The following WARS2 variants were observed in gnomAD, a reference collection of about 807,000 sequenced individuals.
WARS2 encodes tryptophan--tRNA ligase, mitochondrial.
WARS2 carries 28 observed loss-of-function variants against 36.5 expected under a neutral mutation model. That is an observed-to-expected ratio of 0.77 (90% CI 0.57 to 1.05). WARS2 has a LOEUF of 1.05. Ranked by LOEUF, WARS2 falls within the 50% of genes least tolerant of loss-of-function variation. The pLI, the probability that WARS2 is intolerant of heterozygous loss-of-function variation, is 0.00. For synonymous variants in WARS2, 174 were observed against 178.4 expected, an observed-to-expected ratio of 0.98 and a Z score of 0.20; for missense variants, 435 against 456.8, an observed-to-expected ratio of 0.95 and a Z score of 0.44.
intron 2 of WARS2, among the ~76,000 whole-genome samples, chr1:119,052,417 C>G (rs917386797): frequency 6.6e-6 from 1 of 152,176 alleles, no homozygotes; most frequent in Non-Finnish European, 1.5e-5. Context: ...TTACTATCCC[C>G]ATGACAAATC....
intron 2 of WARS2, among the ~76,000 whole-genome samples, chr1:119,072,981 C>A (rs1651441719): frequency 6.6e-6 from 1 of 151,660 alleles, no homozygotes; most frequent in Non-Finnish European, 1.5e-5. Context: ...GTTGTGAGAC[C>A]CCATCTCTCC....
At chr1:119,066,811 T>C (rs1650920591) in intron 2 of WARS2, among the ~76,000 whole-genome samples, 1 of 152,186 alleles carries the variant, frequency 6.6e-6, no homozygotes, top group East Asian at 1.9e-4. Flanking sequence ...AATACCATTT[T>C]GGAGAACAAA....
At chr1:119,139,335 C>T (rs1656764468) in intron 1 of WARS2, among the ~76,000 whole-genome samples, 1 of 152,026 alleles carries the variant, frequency 6.6e-6, no homozygotes, top group Non-Finnish European at 1.5e-5. Context: ...TAATAAAAAA[C>T]GGAAGTTCAA....
At chr1:119,041,664 G>C (rs1648380111) in intron 4 of WARS2, among the ~76,000 whole-genome samples, 2 of 152,334 alleles carry the variant, frequency 1.3e-5, no homozygotes, top group South Asian at 4.1e-4. Context: ...ACAGGATCTA[G>C]CACAGACATA....
intron 1 of WARS2, among the ~76,000 whole-genome samples, chr1:119,138,228 T>A (rs77261529): frequency 0.034 from 5,160 of 152,288 alleles, 133 homozygotes; most frequent in South Asian, 0.085. Context: ...TATTTCTGCA[T>A]CTGTTCACAA....
intron 1 of WARS2, among the ~76,000 whole-genome samples, chr1:119,080,134 G>C (rs1407517197): frequency 6.6e-6 from 1 of 152,010 alleles, no homozygotes; most frequent in African/African-American, 2.4e-5. Flanking sequence ...TTGATGAAGA[G>C]AGAAAGCAAA....
At position 119,031,667 on chromosome 1, in the gene WARS2, G is replaced by T. The variant is rs921216520; in HGVS notation, c.*1244C>A. Reference sequence around the variant, plus strand: ...TTAGGATTATCATTTTCATTTTCAGGTGTCAGAAATGGAAGTGCAGAAAAG... The same window carrying T: ...TTAGGATTATCATTTTCATTTTCAGTTGTCAGAAATGGAAGTGCAGAAAAG... On this transcript the variant is annotated 3_prime_UTR_variant, in exon 6 of 6. Transcript: ENST00000235521. The T allele has an allele frequency of 2.0e-5, 3 of 152,176 alleles. No homozygotes were observed. The highest frequency in any genetic ancestry group is 7.2e-5 in the African/African-American group (3 of 41,428). 9.4% of individuals were successfully genotyped at this position (152,176 alleles called of 1,614,324 possible).
At chr1:119,134,162 G>C (rs1028482914) in intron 1 of WARS2, among the ~76,000 whole-genome samples, 1 of 151,790 alleles carries the variant, frequency 6.6e-6, no homozygotes, top group African/African-American at 2.4e-5. Context: ...GTCACAATCA[G>C]AACATGAAGA....
chr1:119,076,209 G>C (rs1651714091), intron 2 of WARS2, 141 bp downstream of exon 2: 1 of 1,013,290 alleles, frequency 9.9e-7, no homozygotes, highest in East Asian at 2.6e-5. Flanking sequence ...AAAACATTAA[G>C]CTGAAAAAAA....
intron 1 of WARS2, among the ~76,000 whole-genome samples, chr1:119,137,986 C>T (rs1198094142): frequency 6.6e-6 from 1 of 152,180 alleles, no homozygotes; most frequent in Non-Finnish European, 1.5e-5. Flanking sequence ...TAACATAGCA[C>T]TGTTATGGCT....
intron 2 of WARS2, among the ~76,000 whole-genome samples, chr1:119,061,298 T>TA (rs1169381506): frequency 1.3e-5 from 2 of 152,100 alleles, no homozygotes; most frequent in Non-Finnish European, 2.9e-5. Context: ...CAACTATGCT[T>TA]AAAGATACAA....
rs74406341 is a variant in WARS2, at chr1:119,140,336, C to A, written c.90+219G>T. 1.5e-3 allele frequency: 599 copies of A among 397,604 alleles called. 4 individuals carry two copies. Among genetic ancestry groups the A allele is most frequent in the African/African-American group, 0.01 (509 of 48,614 alleles). The allele number at this position is 397,604 out of a possible 1,614,324, so 24.6% of individuals were successfully genotyped here. A position where few individuals can be genotyped will look rare whatever the true frequency, so the allele number is the denominator to read the frequency against. On this transcript the variant is annotated intron_variant, in intron 1 of 5. Coordinates refer to ENST00000235521, the MANE Select transcript of WARS2 (RefSeq NM_015836.4). Reference sequence around the variant, plus strand: ...GAGGTGGCGGCAAGAGGTCAGAAAGCGGCGCGCTTTTTCCACCAAGAAACC... The same window carrying A: ...GAGGTGGCGGCAAGAGGTCAGAAAGAGGCGCGCTTTTTCCACCAAGAAACC...
At chr1:119,115,245 A>T (rs1654885371) in intron 1 of WARS2, among the ~76,000 whole-genome samples, 1 of 152,248 alleles carries the variant, frequency 6.6e-6, no homozygotes, top group African/African-American at 2.4e-5. Context: ...ATAAAGGGCG[A>T]TGGAGCTTCC....
intron 2 of WARS2, among the ~76,000 whole-genome samples, chr1:119,068,140 C>T (rs970502672): frequency 2.0e-5 from 3 of 152,176 alleles, no homozygotes; most frequent in Non-Finnish European, 2.9e-5. Context: ...TCTACGCAGA[C>T]GTTTGCTCCC....
chr1:119,139,175 G>A (rs1656749110), intron 1 of WARS2, among the ~76,000 whole-genome samples: 1 of 152,134 alleles, frequency 6.6e-6, no homozygotes, highest in South Asian at 2.1e-4. Flanking sequence ...TTCAAGGAGA[G>A]GAATTTTTGA....
chr1:119,120,329 T>C (rs1655247543), intron 1 of WARS2, among the ~76,000 whole-genome samples: 1 of 151,502 alleles, frequency 6.6e-6, no homozygotes, highest in African/African-American at 2.4e-5. Context: ...CCTGGAAATA[T>C]ACAAACTTCC....
chr1:119,047,520 T>G (rs960999275), intron 2 of WARS2: 1 of 152,224 alleles, frequency 6.6e-6, no homozygotes, highest in Non-Finnish European at 1.5e-5. Flanking sequence ...ATCTTCCTGG[T>G]GTTTCCAAAA....
chr1:119,058,100 T>G (rs1649994469), intron 2 of WARS2, among the ~76,000 whole-genome samples: 1 of 152,166 alleles, frequency 6.6e-6, no homozygotes, highest in Non-Finnish European at 1.5e-5. Context: ...ATTTTACATT[T>G]AAGTCTGTGG....
chr1:119,116,505 T>G (rs770631969), intron 1 of WARS2, among the ~76,000 whole-genome samples: 36 of 151,974 alleles, frequency 2.4e-4, no homozygotes, highest in South Asian at 4.2e-4. Context: ...CACAGACCCT[T>G]TGAAAGAAGT....
Sources: gnomAD v4.1 joint callset for allele counts (sites outside exome capture counted in the v4.1 genomes callset) on GRCh38, gnomAD v4.1.1 for gene constraint, MANE v1.5 for transcripts, NCBI Gene and HGNC (gene_info 2026-07-23, HGNC 2026-07-21) for gene names.